The following MYDGF variants were observed in gnomAD, a reference collection of about 807,000 sequenced individuals.
The protein encoded by MYDGF is myeloid-derived growth factor.
MYDGF carries 29 observed loss-of-function variants against 24.2 expected under a neutral mutation model. The observed-to-expected ratio is 1.20, with a 90% CI of 0.89 to 1.63. The LOEUF is 1.63. Ranked by LOEUF, MYDGF falls within the 40% of genes most tolerant of loss-of-function variation. The pLI is 0.00. For synonymous variants in MYDGF, 105 were observed against 102.5 expected (o/e 1.02, Z -0.15); for missense variants, 245 against 234.8 (o/e 1.04, Z -0.29).
At position 4,660,015 on chromosome 19, in the gene MYDGF, T is replaced by C. The variant is rs201420894; in HGVS notation, c.370-12A>G. 33 of 1,612,880 alleles carry C rather than the reference T, an allele frequency of 2.0e-5. 1 individual carries two copies. In the Admixed American group the frequency reaches 2.7e-4, roughly 13 times the overall value. ...AATGCGGCTTTAGACTGAAAAAGAA[T>C]GAGTGGAAACTTTACCAGGGCCAGT... On this transcript the variant is annotated splice_polypyrimidine_tract_variant and intron_variant, in intron 4 of 5. Coordinates refer to ENST00000262947, the MANE Select transcript of MYDGF (RefSeq NM_019107.4).
chr19:4,670,281 C>T lies in MYDGF; in HGVS notation c.54G>A (p.Ala18=). 2 of 1,534,400 alleles carry T rather than the reference C, an allele frequency of 1.3e-6. No homozygotes were observed. The highest frequency in any genetic ancestry group is 2.0e-5 in the Admixed American group (1 of 48,976). ...TCAGCGCCACGGCCCCTAGGAGCAGCGCGGCCCACAAGCTCGCGCCGACGC... is the reference window on the plus strand; with the variant it reads ...TCAGCGCCACGGCCCCTAGGAGCAGTGCGGCCCACAAGCTCGCGCCGACGC... ...WNGVGASLWA[A]LLLGAVALRP... The change falls in exon 1 of 6, where the codon GCG becomes GCA. Residue 18 remains alanine (A), a synonymous_variant. Transcript: ENST00000262947.
At chr19:4,660,042 C>A (rs746191870) in intron 4 of MYDGF, 39 bp from the exon 5 acceptor site, 2 of 1,541,344 alleles carry the variant, frequency 1.3e-6, no homozygotes, top group Non-Finnish European at 1.8e-6. Context: ...AGGGCCAGTT[C>A]AATGCTCATC....
In MYDGF at chr19:4,670,253, G is replaced by A; in HGVS notation, c.82C>T (p.Pro28Ser). The change falls in exon 1 of 6, where the codon CCG becomes TCG. Residue 28 changes from proline (P) to serine (S), a missense_variant. Transcript: ENST00000262947. Reference protein sequence around the residue: ...ALLLGAVALRPAEAVSEPTTV... With the variant: ...ALLLGAVALRSAEAVSEPTTV... Reference sequence around the variant, plus strand: ...GTGGGCTCGGACACCGCCTCCGCCGGCCTCAGCGCCACGGCCCCTAGGAGC... The same window carrying A: ...GTGGGCTCGGACACCGCCTCCGCCGACCTCAGCGCCACGGCCCCTAGGAGC... 6.4e-7 allele frequency: 1 copy of A among 1,563,824 alleles called. No homozygotes were observed. The highest frequency in any genetic ancestry group is 1.2e-5 in the South Asian group (1 of 85,354).
chr19:4,666,047 G>A (rs1236956306), intron 2 of MYDGF, among the ~76,000 whole-genome samples: 3 of 151,654 alleles, frequency 2.0e-5, no homozygotes, highest in African/African-American at 7.3e-5. Context: ...GCTGGGCATG[G>A]TGGCTCATGC....
At chr19:4,660,033 G>T in intron 4 of MYDGF, 30 bp from the exon 5 acceptor site, 1 of 1,588,896 alleles carries the variant, frequency 6.3e-7, no homozygotes. Context: ...AACTTTACCA[G>T]GGCCAGTTCA....
At chr19:4,662,257 A>G (rs2088476773) in intron 3 of MYDGF, among the ~76,000 whole-genome samples, 1 of 152,174 alleles carries the variant, frequency 6.6e-6, no homozygotes, top group Non-Finnish European at 1.5e-5. Context: ...CCCATTTGTC[A>G]ACGTGCTTTA....
At chr19:4,659,884 T>G (rs1049642447) in intron 5 of MYDGF, 47 bp downstream of exon 5, 1 of 1,572,742 alleles carries the variant, frequency 6.4e-7, no homozygotes, top group Non-Finnish European at 8.8e-7. Context: ...TTGCCCACCC[T>G]TGGATGGGGG....
intron 2 of MYDGF, among the ~76,000 whole-genome samples, chr19:4,667,860 G>A (rs1304459020): frequency 2.0e-5 from 3 of 152,014 alleles, no homozygotes; most frequent in Non-Finnish European, 4.4e-5. Flanking sequence ...ACCACGCTGG[G>A]CTAATTTTTT....
Position 4,670,250 on chromosome 19 carries a change from C to T in MYDGF, c.85G>A (p.Ala29Thr), listed in dbSNP as rs931758867. The T allele has an allele frequency of 1.3e-5, 20 of 1,565,906 alleles. No individual in the cohort carries two copies. Among genetic ancestry groups the T allele is most frequent in the African/African-American group, 5.6e-5 (4 of 71,228 alleles). The change falls in exon 1 of 6, where the codon GCG becomes ACG. Residue 29 changes from alanine to threonine, a missense_variant. Ala to Thr is a moderately conservative substitution (Grantham distance 58). Transcript: ENST00000262947. ...LLLGAVALRPAEAVSEPTTVA... is the reference protein window; with the variant it reads ...LLLGAVALRPTEAVSEPTTVA... Reference sequence around the variant, plus strand: ...GTCGTGGGCTCGGACACCGCCTCCGCCGGCCTCAGCGCCACGGCCCCTAGG... The same window carrying T: ...GTCGTGGGCTCGGACACCGCCTCCGTCGGCCTCAGCGCCACGGCCCCTAGG...
In MYDGF at chr19:4,658,052, G is replaced by T; in HGVS notation, c.475C>A (p.Leu159Met). 1 of 1,611,846 alleles carries T rather than the reference G, an allele frequency of 6.2e-7. No homozygotes were observed. Residue 159 changes from leucine (L) to methionine (M), a missense_variant, in exon 6 of 6, where the codon CTG becomes ATG. Transcript: ENST00000262947. The stretch of plus-strand genomic sequence containing the variant: ...TTGGCCACAATCACCAGCTTGGACA[G>T]CTCAGCTTTGAATGCCCCGGGCCTG... ...AHRPGAFKAELSKLVIVAKAS... is the reference protein window; with the variant it reads ...AHRPGAFKAEMSKLVIVAKAS...
intron 1 of MYDGF, among the ~76,000 whole-genome samples, chr19:4,669,367 C>T (rs2088545352): frequency 6.6e-6 from 1 of 152,168 alleles, no homozygotes; most frequent in Admixed American, 6.5e-5. Context: ...AGGAGAATGG[C>T]ATGAACCTGG....
chr19:4,662,150 A>T (rs2088475895), intron 3 of MYDGF, among the ~76,000 whole-genome samples: 1 of 152,170 alleles, frequency 6.6e-6, no homozygotes, highest in African/African-American at 2.4e-5. Flanking sequence ...TGCTGTTTGT[A>T]AAGCGCCCCG....
intron 2 of MYDGF, among the ~76,000 whole-genome samples, chr19:4,666,743 A>G (rs976323933): frequency 2.0e-5 from 3 of 152,042 alleles, no homozygotes; most frequent in African/African-American, 7.2e-5. Flanking sequence ...CGTCCATGCA[A>G]CTGAAGCGCT....
At chr19:4,660,182 G>A (rs1371380824) in intron 4 of MYDGF, among the ~76,000 whole-genome samples, 179 bp from the exon 5 acceptor site, 1 of 152,190 alleles carries the variant, frequency 6.6e-6, no homozygotes, top group African/African-American at 2.4e-5. Flanking sequence ...CTGGAATGCA[G>A]CAGTGCAATC....
Position 4,663,805 on chromosome 19 carries a change from A to C in MYDGF, c.287+1071T>G, listed in dbSNP as rs868625239. Among the ~76,000 whole-genome samples the C allele has an allele frequency of 4.1e-3, 174 of 41,950 alleles. 2 individuals are homozygous for C. Among genetic ancestry groups the C allele is most frequent in the African/African-American group, 0.018 (166 of 9,016 alleles). The allele number at this position is 41,950 out of a possible 152,430, so 27.5% of individuals were successfully genotyped here. On this transcript the variant is annotated intron_variant, in intron 3 of 5. Transcript: ENST00000262947. ...CCCATCCTCATTCTACACAGCCTCC[A>C]ATCTGTGCCCTCTCCACCCACCCCA...
intron 3 of MYDGF, among the ~76,000 whole-genome samples, chr19:4,662,218 T>G (rs2088476514): frequency 6.6e-6 from 1 of 152,200 alleles, no homozygotes; most frequent in African/African-American, 2.4e-5. Context: ...GTCCTTCAGT[T>G]AAACGTCGCC....
Position 4,657,643 on chromosome 19 carries a change from G to A in MYDGF, c.*362C>T, listed in dbSNP as rs182966109. The A allele has an allele frequency of 1.6e-3, 299 of 184,922 alleles. 2 individuals carry two copies. Among genetic ancestry groups the A allele is most frequent in the Non-Finnish European group, 2.1e-4 (19 of 89,578 alleles). The allele number at this position is 184,922 out of a possible 1,614,324, so 11.5% of individuals were successfully genotyped here. On this transcript the variant is annotated 3_prime_UTR_variant, in exon 6 of 6. Transcript: ENST00000262947. ...TCCCCTGGGTAAACATAGGAAAGCA[G>A]TTCTGCAGGCTCATGAAGGATGCTC...
chr19:4,667,696 C>A (rs1421009408), intron 2 of MYDGF, among the ~76,000 whole-genome samples: 3 of 149,704 alleles, frequency 2.0e-5, no homozygotes, highest in East Asian at 3.9e-4. Flanking sequence ...GGAGAGGATT[C>A]TTCTCCCAGC....
chr19:4,658,631 T>G (rs1022933303), intron 5 of MYDGF, among the ~76,000 whole-genome samples: 1 of 152,134 alleles, frequency 6.6e-6, no homozygotes. Flanking sequence ...CTGCTTAGCA[T>G]TGGCGCCATG....
Sources: allele counts gnomAD v4.1 joint callset (sites outside exome capture counted in the v4.1 genomes callset), GRCh38; gene constraint gnomAD v4.1.1; transcripts MANE v1.5; gene names NCBI Gene and HGNC (gene_info 2026-07-23, HGNC 2026-07-21).